The following CERS3 variants were observed in gnomAD, a reference collection of about 807,000 sequenced individuals.
The protein encoded by CERS3 is ceramide synthase 3.
CERS3 carries 33 observed loss-of-function variants against 50.3 expected under a neutral mutation model. The ratio of observed to expected loss-of-function variants is 0.66; its 90% CI spans 0.50 to 0.88. The LOEUF (loss-of-function observed/expected upper bound fraction) is 0.88, where lower values mean the gene tolerates loss of function less well. CERS3 is among the 40% of genes least tolerant of loss of function. CERS3 has a pLI of 0.00. For missense variants in CERS3, 470 were observed against 460.3 expected (o/e 1.02, Z -0.19); for synonymous variants, 176 against 155.2 (o/e 1.13, Z -0.99).
intron 11 of CERS3, among the ~76,000 whole-genome samples, chr15:100,446,952 C>G (rs867977728): frequency 1.3e-5 from 2 of 152,164 alleles, no homozygotes; most frequent in African/African-American, 4.8e-5. Context: ...CAAGTTCCAG[C>G]CTGACTCTAG....
intron 3 of CERS3, among the ~76,000 whole-genome samples, chr15:100,499,359 A>G (rs945238169): frequency 1.3e-5 from 2 of 152,244 alleles, no homozygotes; most frequent in Non-Finnish European, 2.9e-5. Flanking sequence ...TCAAAACATT[A>G]GCCACACACA....
rs2037106214 is a variant in CERS3, at chr15:100,537,678, C to G, written c.-355+6973G>C. Among the ~76,000 whole-genome samples the G allele has an allele frequency of 2.0e-5, 3 of 152,196 alleles. No homozygotes were observed. The South Asian group carries it at 6.2e-4, about 32-fold the overall frequency. On this transcript the variant is annotated intron_variant, in intron 1 of 12. Coordinates refer to the CERS3 transcript ENST00000284382. ...ATTCAATTACTTCCATCTGGTCTCT[C>G]CATGGACATGTGAGGATTATGGAAA...
intron 4 of CERS3, among the ~76,000 whole-genome samples, chr15:100,488,256 G>A (rs192629425): frequency 1.3e-5 from 2 of 152,338 alleles, no homozygotes; most frequent in African/African-American, 4.8e-5. Flanking sequence ...GAAGTGTTTT[G>A]TTTTCCTGGT....
chr15:100,521,922 T>A (rs929839406), intron 1 of CERS3, among the ~76,000 whole-genome samples, 166 bp from the exon 2 acceptor site: 1 of 152,158 alleles, frequency 6.6e-6, no homozygotes, highest in Non-Finnish European at 1.5e-5. Context: ...TGCATGGGGC[T>A]TTAAAACAAT....
chr15:100,455,955 C>G lies in CERS3; in HGVS notation c.937G>C (p.Val313Leu). The change falls in exon 11 of 12, where the codon GTC becomes CTC. Residue 313 changes from valine (V) to leucine (L), a missense_variant. Coordinates refer to ENST00000679737, the MANE Select transcript of CERS3 (RefSeq NM_001378789.1). ...TAATAACCCCAGTAAAGGTGAAGGA[C>G]CTGCAAGATCATGAGCTGTAGGTTG... ...FLNLQLMILQVLHLYWGYYIL... is the reference protein window; with the variant it reads ...FLNLQLMILQLLHLYWGYYIL... 7 of 1,613,138 alleles carry G rather than the reference C, an allele frequency of 4.3e-6. No homozygotes were observed. The highest frequency in any genetic ancestry group is 5.9e-6 in the Non-Finnish European group (7 of 1,179,406).
At chr15:100,513,327 G>A (rs1483653556) in intron 2 of CERS3, among the ~76,000 whole-genome samples, 1 of 152,110 alleles carries the variant, frequency 6.6e-6, no homozygotes, top group East Asian at 1.9e-4. Context: ...TCTCCAAAAT[G>A]AGTCCACCTC....
At chr15:100,483,068 T>G (rs1054433904) in intron 5 of CERS3, among the ~76,000 whole-genome samples, 2 of 152,216 alleles carry the variant, frequency 1.3e-5, no homozygotes, top group Non-Finnish European at 2.9e-5. Flanking sequence ...TGTCTTTGCT[T>G]TACTTGAAAA....
intron 11 of CERS3, among the ~76,000 whole-genome samples, chr15:100,420,515 T>G (rs1400184565): frequency 1.3e-5 from 2 of 152,108 alleles, no homozygotes; most frequent in African/African-American, 2.4e-5. Context: ...AAGGAGGAAC[T>G]GGTACCATTC....
intron 2 of CERS3, among the ~76,000 whole-genome samples, chr15:100,520,742 T>G (rs1182515218): frequency 6.6e-6 from 1 of 152,058 alleles, no homozygotes; most frequent in African/African-American, 2.4e-5. Context: ...TGGGAGCCCC[T>G]TCTGCCTGAG....
rs1392384866 is a variant in CERS3 at position 100,480,051 on chromosome 15, CAAAAGAAAGA to C, written c.408-15_408-6del. On this transcript the variant is annotated splice_region_variant and splice_polypyrimidine_tract_variant and intron_variant, in intron 5 of 11. Coordinates refer to ENST00000679737, the MANE Select transcript of CERS3 (RefSeq NM_001378789.1). Reference sequence around the variant, plus strand: ...AAGTAAAATGCAAATCTCCAGCTGCCAAAAGAAAGAAAAATCTTTACTCCCTTGTAAAGGT... The same window carrying C: ...AAGTAAAATGCAAATCTCCAGCTGCCAAAATCTTTACTCCCTTGTAAAGGT... 1 of 1,607,230 alleles carries C rather than the reference CAAAAGAAAGA, an allele frequency of 6.2e-7. No individual in the cohort carries two copies.
intron 2 of CERS3, among the ~76,000 whole-genome samples, chr15:100,511,746 G>A (rs1396716669): frequency 5.6e-5 from 1 of 17,738 alleles, no homozygotes; most frequent in African/African-American, 1.1e-4. Context: ...CTGGAGAGGA[G>A]CATCGTAAGT....
At chr15:100,461,266 C>A (rs958765918) in intron 10 of CERS3, among the ~76,000 whole-genome samples, 1 of 152,204 alleles carries the variant, frequency 6.6e-6, no homozygotes, top group Admixed American at 6.5e-5. Flanking sequence ...CCTCCACCAC[C>A]TCCTTTGACT....
In CERS3 at chr15:100,479,409, T is replaced by C; in HGVS notation, c.516+19A>G. The C allele has an allele frequency of 6.4e-7, 1 of 1,573,260 alleles. No homozygotes were observed. Among genetic ancestry groups the C allele is most frequent in the Non-Finnish European group, 8.7e-7 (1 of 1,152,070 alleles). On this transcript the variant is annotated intron_variant, in intron 7 of 11. Transcript: ENST00000679737. ...CTTGGTGTTCAAGTAAGGGGAGGAA[T>C]ATGTTATAGTGGACTTACCTGTTTG...
At chr15:100,441,800 T>TG (rs1555524296) in intron 11 of CERS3, among the ~76,000 whole-genome samples, 5 of 121,758 alleles carry the variant, frequency 4.1e-5, no homozygotes, top group African/African-American at 1.4e-4. Context: ...TACACATCAG[T>TG]CCCCCCCAGT....
At chr15:100,414,442 T>G (rs1373478745) in intron 11 of CERS3, among the ~76,000 whole-genome samples, 1 of 152,012 alleles carries the variant, frequency 6.6e-6, no homozygotes. Context: ...AAATTTCATG[T>G]GGAACCAAAA....
intron 11 of CERS3, among the ~76,000 whole-genome samples, chr15:100,438,685 T>C: frequency 6.6e-6 from 1 of 152,370 alleles, no homozygotes; most frequent in East Asian, 1.9e-4. Context: ...ATGTAAAGTG[T>C]CATTCTATGA....
At chr15:100,503,459 C>T (rs995956426) in intron 2 of CERS3, among the ~76,000 whole-genome samples, 25 of 152,176 alleles carry the variant, frequency 1.6e-4, no homozygotes, top group African/African-American at 5.8e-4. Flanking sequence ...GCTTGCATTC[C>T]ATGCTAAGGA....
intron 11 of CERS3, among the ~76,000 whole-genome samples, chr15:100,443,343 G>A (rs1158573071): frequency 6.6e-5 from 10 of 150,690 alleles, no homozygotes; most frequent in Non-Finnish European, 1.3e-4. Context: ...CTACAGCATG[G>A]CCTTTTAAAG....
At chr15:100,456,119 A>C in intron 10 of CERS3, 73 bp from the exon 11 acceptor site, 1 of 1,192,804 alleles carries the variant, frequency 8.4e-7, no homozygotes, top group Non-Finnish European at 1.1e-6. Context: ...TAAAACAAAT[A>C]GTTTTTCTCC....
Sources: allele counts gnomAD v4.1 joint callset (sites outside exome capture counted in the v4.1 genomes callset), GRCh38; gene constraint gnomAD v4.1.1; transcripts MANE v1.5; gene names NCBI Gene and HGNC (gene_info 2026-07-23, HGNC 2026-07-21).